Variants in BRWD3 observed in about 807,000 individuals in gnomAD.
The protein encoded by BRWD3 is bromodomain and WD repeat domain containing 3, also known as bromodomain and WD repeat-containing protein 3.
Under a neutral mutation model 149.7 loss-of-function variants are expected in BRWD3, and 10 were observed. The ratio of observed to expected loss-of-function variants is 0.07; its 90% CI spans 0.04 to 0.11. The LOEUF (loss-of-function observed/expected upper bound fraction) is 0.11, where lower values mean the gene tolerates loss of function less well. BRWD3 is among the 10% of genes least tolerant of loss of function. BRWD3 has a pLI of 1.00. For synonymous variants in BRWD3, 504 were observed against 456.7 expected, an observed-to-expected ratio of 1.10 and a Z score of -1.32; for missense variants, 940 against 1,373.2, an observed-to-expected ratio of 0.68 and a Z score of 4.99.
rs5959727 is a variant in BRWD3, at chrX:80,706,235, A to G, written c.2552+1192T>C. 3.9e-3 allele frequency among the ~76,000 whole-genome samples: 433 copies of G among 110,107 alleles called. 2 individuals are homozygous for G. The highest frequency in any genetic ancestry group is 0.013 in the African/African-American group (408 of 30,270). On this transcript the variant is annotated intron_variant, in intron 22 of 40. Coordinates refer to ENST00000373275, the MANE Select transcript of BRWD3 (RefSeq NM_153252.5). ...GAAATTCTCCTGTCTCAGCCTCCCAAGTAGCTGGGATTACAGGCCTCTGCC... is the reference window on the plus strand; with the variant it reads ...GAAATTCTCCTGTCTCAGCCTCCCAGGTAGCTGGGATTACAGGCCTCTGCC...
intron 6 of BRWD3, among the ~76,000 whole-genome samples, chrX:80,786,680 A>G (rs996613315): frequency 2.7e-5 from 3 of 111,199 alleles, no homozygotes; most frequent in Non-Finnish European, 3.8e-5. Context: ...AAGCCAAGCT[A>G]ATTTTTATAT....
At chrX:80,807,672 C>T (rs949344112) in intron 4 of BRWD3, among the ~76,000 whole-genome samples, 2 of 112,061 alleles carry the variant, frequency 1.8e-5, no homozygotes, top group African/African-American at 6.5e-5. Context: ...ATGCTGAACA[C>T]AAGGTACATT....
intron 8 of BRWD3, chrX:80,743,781 C>T: frequency 6.1e-6 from 2 of 327,424 alleles, no homozygotes; most frequent in East Asian, 9.9e-5. Flanking sequence ...CCCTTCTTAA[C>T]AAATACAAAT....
intron 6 of BRWD3, among the ~76,000 whole-genome samples, chrX:80,776,686 T>C (rs1462674870): frequency 8.9e-6 from 1 of 111,765 alleles, no homozygotes; most frequent in African/African-American, 3.3e-5. Flanking sequence ...TAAAATATCA[T>C]GAAGACTCCC....
rs774454877 is a variant in BRWD3, at chrX:80,745,732, G to GA, written c.431-4dup. The GA allele has an allele frequency of 2.7e-5, 32 of 1,194,943 alleles. 1 individual carries two copies. The Admixed American group carries it at 5.8e-4, about 22-fold the overall frequency. On this transcript the variant is annotated splice_polypyrimidine_tract_variant and splice_region_variant and intron_variant, in intron 6 of 40. Coordinates refer to ENST00000373275, the MANE Select transcript of BRWD3 (RefSeq NM_153252.5). ...TTGCCTGGCAGAGGTGATATTCACTGAAAAAAATACGAAATTAACTTAAAA... is the reference window on the plus strand; with the variant it reads ...TTGCCTGGCAGAGGTGATATTCACTGAAAAAAAATACGAAATTAACTTAAAA...
chrX:80,797,011 CA>C (rs1281263369), intron 4 of BRWD3, among the ~76,000 whole-genome samples: 1 of 110,856 alleles, frequency 9.0e-6, no homozygotes, highest in East Asian at 2.8e-4. Flanking sequence ...CTCATCTCTA[CA>C]AAAAATAAAA....
chrX:80,753,302 A>G (rs1464889728), intron 6 of BRWD3, among the ~76,000 whole-genome samples: 6 of 94,313 alleles, frequency 6.4e-5, no homozygotes, highest in African/African-American at 2.4e-4. Context: ...ATGGAGTTTC[A>G]CTCGTCACCC....
intron 35 of BRWD3, among the ~76,000 whole-genome samples, chrX:80,686,466 A>C (rs1021008183): frequency 2.8e-5 from 3 of 109,022 alleles, no homozygotes; most frequent in Non-Finnish European, 5.7e-5. Flanking sequence ...AAAGAAAAGA[A>C]AAGTCATACT....
chrX:80,677,140 TTCAGAG>T lies in BRWD3; in HGVS notation c.4872_4877del (p.Asp1624_Ser1625del), dbSNP rs201155478. 1 of 1,211,959 alleles carries T rather than the reference TTCAGAG, an allele frequency of 8.3e-7. No homozygotes were observed. Among genetic ancestry groups the T allele is most frequent in the East Asian group, 3.0e-5 (1 of 33,851 alleles). ...AATCTTGATCTGTTCTGGAAGTTGATTCAGAGTCAGAGTCAGAACCACAGGTACTTT... is the reference window on the plus strand; with the variant it reads ...AATCTTGATCTGTTCTGGAAGTTGATTCAGAGTCAGAACCACAGGTACTTT... On this transcript the variant is annotated inframe_deletion, in exon 41 of 41. Transcript: ENST00000373275.
intron 20 of BRWD3, among the ~76,000 whole-genome samples, chrX:80,713,326 T>G (rs764801015): frequency 8.9e-6 from 1 of 111,975 alleles, no homozygotes; most frequent in South Asian, 3.7e-4. Context: ...ATGGGAGACT[T>G]TTCGTTTTGT....
Position 80,672,638 on chromosome X carries a change from A to G in BRWD3, c.*3971T>C, listed in dbSNP as rs1209388844. On this transcript the variant is annotated 3_prime_UTR_variant, in exon 41 of 41. Coordinates refer to ENST00000373275, the MANE Select transcript of BRWD3 (RefSeq NM_153252.5). ...ACACTAGTTTTTGAAATAAGCCATA[A>G]AAGTGACTTTAGAATATTCTATTTC... 1 of 112,131 alleles carries G rather than the reference A, an allele frequency of 8.9e-6. No individual in the cohort carries two copies. Among genetic ancestry groups the G allele is most frequent in the African/African-American group, 3.2e-5 (1 of 30,858 alleles). 9.2% of individuals were successfully genotyped at this position (112,131 alleles called of 1,213,427 possible). A position where few individuals can be genotyped will look rare whatever the true frequency, so the allele number is the denominator to read the frequency against.
rs775875353 is a variant in BRWD3, at chrX:80,672,761, T to A, written c.*3848A>T. The A allele has an allele frequency of 1.9e-3, 213 of 111,579 alleles. 2 individuals carry two copies. The highest frequency in any genetic ancestry group is 6.8e-3 in the African/African-American group (210 of 30,724). 9.2% of individuals were successfully genotyped at this position (111,579 alleles called of 1,213,427 possible). ...TTTACATGTCGAAAGTTCCATCCCT[T>A]CCCCTAGAACTATTCATCACAGAAC... is the stretch of plus-strand genomic sequence containing the variant. On this transcript the variant is annotated 3_prime_UTR_variant, in exon 41 of 41. Coordinates refer to ENST00000373275, the MANE Select transcript of BRWD3 (RefSeq NM_153252.5).
rs2072702751 is a variant in BRWD3 at position 80,696,619 on chromosome X, C to A, written c.3068+120G>T. The A allele has an allele frequency of 4.9e-6, 4 of 823,133 alleles. No homozygotes were observed. In the East Asian group the frequency reaches 1.0e-4, roughly 22 times the overall value. 67.8% of individuals were successfully genotyped at this position (823,133 alleles called of 1,213,427 possible). Reference sequence around the variant, plus strand: ...GAATTAAACTCTGGTCTTTATAATTCTAAACCCTGTAGTAAAGAATGCTAT... The same window carrying A: ...GAATTAAACTCTGGTCTTTATAATTATAAACCCTGTAGTAAAGAATGCTAT... On this transcript the variant is annotated intron_variant, in intron 26 of 40. Coordinates refer to ENST00000373275, the MANE Select transcript of BRWD3 (RefSeq NM_153252.5).
intron 6 of BRWD3, among the ~76,000 whole-genome samples, chrX:80,774,957 T>A (rs915239352): frequency 2.7e-5 from 3 of 112,067 alleles, no homozygotes; most frequent in African/African-American, 9.7e-5. Context: ...AAAATTCTCA[T>A]CATATGATTT....
At chrX:80,739,787 A>C (rs1286865578) in intron 8 of BRWD3, among the ~76,000 whole-genome samples, 1 of 111,438 alleles carries the variant, frequency 9.0e-6, no homozygotes, top group African/African-American at 3.3e-5. Flanking sequence ...ATAATACCTA[A>C]TAATAATGTT....
chrX:80,807,141 AG>A (rs1764700474), intron 4 of BRWD3, among the ~76,000 whole-genome samples: 1 of 111,796 alleles, frequency 8.9e-6, no homozygotes, highest in South Asian at 3.7e-4. Context: ...TGCCTCTTTT[AG>A]GGGGAGGGAA....
At chrX:80,787,823 G>A (rs1319714649) in intron 6 of BRWD3, among the ~76,000 whole-genome samples, 1 of 111,371 alleles carries the variant, frequency 9.0e-6, no homozygotes, top group African/African-American at 3.3e-5. Context: ...GGTGGCTCAC[G>A]CCTGTAATCC....
chrX:80,704,751 C>T lies in BRWD3; in HGVS notation c.2648G>A (p.Cys883Tyr), dbSNP rs781281887. 4.1e-6 allele frequency: 5 copies of T among 1,209,639 alleles called. No homozygotes were observed. In the African/African-American group the frequency reaches 8.7e-5, roughly 21 times the overall value. ...RQTRQTTRKI[C>Y]SSSDEENLKS... Reference sequence around the variant, plus strand: ...CAAATTTTCCTCATCAGAGCTGCTGCATATTTTACGTGTTGTCTGTCTGGT... The same window carrying T: ...CAAATTTTCCTCATCAGAGCTGCTGTATATTTTACGTGTTGTCTGTCTGGT... Residue 883 changes from cysteine to tyrosine, a missense_variant, in exon 23 of 41, where the codon TGC (cysteine) becomes TAC (tyrosine). Cys to Tyr is a radical substitution (Grantham distance 194). Transcript: ENST00000373275.
chrX:80,789,114 C>T (rs2074147708), intron 6 of BRWD3, among the ~76,000 whole-genome samples: 1 of 112,066 alleles, frequency 8.9e-6, no homozygotes, highest in Non-Finnish European at 1.9e-5. Context: ...AATACTCTAT[C>T]TTTGGAGCTC....
Sources: allele counts gnomAD v4.1 joint callset (sites outside exome capture counted in the v4.1 genomes callset), GRCh38; gene constraint gnomAD v4.1.1; transcripts MANE v1.5; gene names NCBI Gene and HGNC (gene_info 2026-07-23, HGNC 2026-07-21).